DAPK1: variants seen among roughly 807,000 people sequenced by gnomAD.
The protein encoded by DAPK1 is death associated protein kinase 1.
A neutral mutation model predicts 144.9 loss-of-function variants in DAPK1; 56 were observed. The observed-to-expected ratio is 0.39, with a 90% confidence interval of 0.31 to 0.48. The LOEUF is 0.48. Among genes scored for constraint, DAPK1 ranks in the 20% least tolerant of loss-of-function variants. The pLI is 0.95. For missense variants in DAPK1, 1,454 were observed against 1,875.4 expected (o/e 0.78, Z 4.15); for synonymous variants, 690 against 749.0 (o/e 0.92, Z 1.29).
intron 2 of DAPK1, among the ~76,000 whole-genome samples, chr9:87,571,992 C>T (rs1203132636): frequency 6.6e-6 from 1 of 152,158 alleles, no homozygotes; most frequent in Non-Finnish European, 1.5e-5. Flanking sequence ...CCAAGGCCAC[C>T]TTTTAAGAGT....
intron 24 of DAPK1, chr9:87,701,818 A>C: frequency 2.1e-6 from 1 of 465,620 alleles, no homozygotes; most frequent in Non-Finnish European, 4.5e-6. Context: ...TTCTCGGGAA[A>C]CCCTTTCCTG....
intron 19 of DAPK1, among the ~76,000 whole-genome samples, chr9:87,670,714 C>T (rs1171236440): frequency 6.6e-6 from 1 of 152,144 alleles, no homozygotes; most frequent in South Asian, 2.1e-4. Flanking sequence ...ATCCGCTTAC[C>T]ACATTCACTC....
intron 14 of DAPK1, 176 bp from the exon 15 acceptor site, chr9:87,648,605 C>T (rs372212376): frequency 1.2e-5 from 7 of 594,890 alleles, no homozygotes; most frequent in South Asian, 6.2e-5. Context: ...GTGTGGTGGA[C>T]ACCCCAACCT....
At chr9:87,667,507 A>G (rs1223576070) in intron 18 of DAPK1, among the ~76,000 whole-genome samples, 1 of 152,222 alleles carries the variant, frequency 6.6e-6, no homozygotes, top group African/African-American at 2.4e-5. Context: ...CCAGCAACAG[A>G]GAATTGCCTG....
rs36230891 is a variant in DAPK1 at position 87,531,434 on chromosome 9, A to G, written c.62+32295A>G. Among the ~76,000 whole-genome samples, 34 of 152,338 alleles carry G rather than the reference A, an allele frequency of 2.2e-4. 1 individual carries two copies. The South Asian group carries it at 3.3e-3, about 15-fold the overall frequency. On this transcript the variant is annotated intron_variant, in intron 2 of 25. Transcript: ENST00000408954. ...TGGGGAACCAGAATAAATAGAAAGA[A>G]GAATAGTTAGGACAGTGAGTCCATC... is the stretch of plus-strand genomic sequence containing the variant.
intron 2 of DAPK1, among the ~76,000 whole-genome samples, chr9:87,590,633 G>T (rs1267628710): frequency 6.6e-6 from 1 of 151,952 alleles, no homozygotes; most frequent in Admixed American, 6.6e-5. Context: ...TGTCACCCAG[G>T]CTGGAATGCA....
chr9:87,603,322 AAGTCATTACATAG>A (rs1828594171), intron 2 of DAPK1, among the ~76,000 whole-genome samples: 1 of 152,176 alleles, frequency 6.6e-6, no homozygotes, highest in Non-Finnish European at 1.5e-5. Context: ...GGTTGTAATG[AAGTCATTACATAG>A]ACCCCGTAAT....
intron 19 of DAPK1, among the ~76,000 whole-genome samples, chr9:87,675,604 T>C (rs1324750474): frequency 6.6e-6 from 1 of 151,824 alleles, no homozygotes; most frequent in Non-Finnish European, 1.5e-5. Context: ...AGGTGTGAGA[T>C]CTGCCTTAGG....
rs1370575317 is a variant in DAPK1, at chr9:87,707,428, T to G, written c.*64T>G. 2 of 1,145,758 alleles carry G rather than the reference T, an allele frequency of 1.7e-6. No individual in the cohort carries two copies. The highest frequency in any genetic ancestry group is 2.5e-6 in the Non-Finnish European group (2 of 797,748). The allele number at this position is 1,145,758 out of a possible 1,614,324, so 71.0% of individuals were successfully genotyped here. ...AGAAGCAAGGGGGTGATGTAGCCCA[T>G]CCTTCCCTTTGGAGATGCTGAGGGT... On this transcript the variant is annotated 3_prime_UTR_variant, in exon 26 of 26. Transcript: ENST00000408954. The surrounding 1 kb of genome is among the most constrained non-coding windows in gnomAD (Gnocchi z 4.0).
intron 2 of DAPK1, 69 bp from the exon 3 acceptor site, chr9:87,604,885 A>G: frequency 4.8e-6 from 7 of 1,449,606 alleles, no homozygotes; most frequent in South Asian, 3.7e-5. Context: ...CCTCTGCACC[A>G]TGCCACATCC....
intron 16 of DAPK1, 62 bp downstream of exon 16, chr9:87,650,180 A>G (rs1334144114): frequency 6.5e-7 from 1 of 1,537,970 alleles, no homozygotes; most frequent in Admixed American, 1.7e-5. Context: ...GAGGGACCAC[A>G]AGACTCCTCA....
At chr9:87,595,247 G>C (rs746359398) in intron 2 of DAPK1, among the ~76,000 whole-genome samples, 1 of 152,172 alleles carries the variant, frequency 6.6e-6, no homozygotes, top group Non-Finnish European at 1.5e-5. Context: ...ATTGCCCCTC[G>C]TGGAAAGGGC....
intron 3 of DAPK1, among the ~76,000 whole-genome samples, chr9:87,624,948 G>A (rs996763419): frequency 4.6e-5 from 7 of 152,230 alleles, no homozygotes; most frequent in Admixed American, 1.3e-4. Flanking sequence ...CGTGGTTGGC[G>A]TTCTGTGACC....
chr9:87,525,400 G>C (rs1587687370), intron 2 of DAPK1: 13 of 1,611,384 alleles, frequency 8.1e-6, no homozygotes, highest in Non-Finnish European at 8.5e-6. Flanking sequence ...GTCTGATCCG[G>C]AAATATGGCC....
At chr9:87,543,983 C>T (rs1385612593) in intron 2 of DAPK1, among the ~76,000 whole-genome samples, 1 of 152,044 alleles carries the variant, frequency 6.6e-6, no homozygotes, top group Non-Finnish European at 1.5e-5. Context: ...ATATATAATC[C>T]TCTGGAAGGC....
chr9:87,501,475 G>A lies in DAPK1; in HGVS notation c.62+2336G>A, dbSNP rs574721714. ...CATGAGAATCGCCTGAACCTGGGAG[G>A]CGGAGGTTGCAGTGAATGGAGATCG... On this transcript the variant is annotated intron_variant, in intron 2 of 25. Coordinates refer to ENST00000408954, the MANE Select transcript of DAPK1 (RefSeq NM_004938.4). Among the ~76,000 whole-genome samples, 24 of 152,326 alleles carry A rather than the reference G, an allele frequency of 1.6e-4. No homozygotes were observed. In the South Asian group the frequency reaches 4.6e-3, roughly 29 times the overall value.
At chr9:87,627,008 TA>T (rs1829515487) in intron 3 of DAPK1, among the ~76,000 whole-genome samples, 1 of 152,130 alleles carries the variant, frequency 6.6e-6, no homozygotes, top group African/African-American at 2.4e-5. Flanking sequence ...TTCAGTTTTA[TA>T]GCTGGATGTT....
chr9:87,574,440 C>G (rs1345831696), intron 2 of DAPK1, among the ~76,000 whole-genome samples: 1 of 152,180 alleles, frequency 6.6e-6, no homozygotes, highest in Admixed American at 6.5e-5. Flanking sequence ...CAGATGCTTC[C>G]CAGCCATTTT....
At chr9:87,561,323 G>A (rs1423271475) in intron 2 of DAPK1, among the ~76,000 whole-genome samples, 4 of 152,062 alleles carry the variant, frequency 2.6e-5, no homozygotes, top group South Asian at 4.2e-4. Flanking sequence ...TCAGGAGATC[G>A]AGACCAGCCT....
Sources: allele counts gnomAD v4.1 joint callset (sites outside exome capture counted in the v4.1 genomes callset), GRCh38; gene constraint gnomAD v4.1.1; non-coding constraint Gnocchi (gnomAD v3.1); transcripts MANE v1.5; gene names NCBI Gene and HGNC (gene_info 2026-07-23, HGNC 2026-07-21).